The following MCF2L2 variants were observed in gnomAD, a reference collection of about 807,000 sequenced individuals.
MCF2L2 encodes the protein MCF.2 cell line derived transforming sequence-like 2, also known as probable guanine nucleotide exchange factor MCF2L2.
Under a neutral mutation model 150.2 loss-of-function variants are expected in MCF2L2, and 102 were observed. The ratio of observed to expected loss-of-function variants is 0.68; its 90% confidence interval spans 0.58 to 0.80. The LOEUF is 0.80. MCF2L2 is among the 30% of genes least tolerant of loss of function. The pLI, the probability that MCF2L2 is intolerant of heterozygous loss-of-function variation, is 0.00. For missense variants in MCF2L2, 1,256 were observed against 1,372.8 expected, an observed-to-expected ratio of 0.91 and a Z score of 1.34; for synonymous variants, 465 against 491.3, an observed-to-expected ratio of 0.95 and a Z score of 0.71.
intron 15 of MCF2L2, among the ~76,000 whole-genome samples, chr3:183,246,397 AT>A: frequency 6.6e-6 from 1 of 152,140 alleles, no homozygotes; most frequent in Non-Finnish European, 1.5e-5. Flanking sequence ...TTCTGTATGA[AT>A]TTTCCTATTC....
chr3:183,215,596 T>C (rs1471301557), intron 22 of MCF2L2, among the ~76,000 whole-genome samples: 2 of 152,218 alleles, frequency 1.3e-5, no homozygotes, highest in South Asian at 4.1e-4. Flanking sequence ...CAAAATACTT[T>C]TCTTAGAGAA....
chr3:183,279,156 A>AACACACACACAC (rs374605194), intron 14 of MCF2L2, among the ~76,000 whole-genome samples: 7 of 150,180 alleles, frequency 4.7e-5, no homozygotes, highest in African/African-American at 1.7e-4. Context: ...AGAAGTACAT[A>AACACACACACAC]ACACACACAC....
chr3:183,180,248 T>A (rs1560327842), intron 27 of MCF2L2, 89 bp from the exon 28 acceptor site: 1 of 814,854 alleles, frequency 1.2e-6, no homozygotes, highest in Non-Finnish European at 2.1e-6. Flanking sequence ...CAGTGCCTGT[T>A]GCAGGCACGG....
At position 183,267,214 on chromosome 3, in the gene MCF2L2, A is replaced by G. The variant is rs533583803; in HGVS notation, c.1862+9658T>C. On this transcript the variant is annotated intron_variant, in intron 15 of 29. Transcript: ENST00000328913. The surrounding 1 kb of genome is among the most constrained non-coding windows in gnomAD (Gnocchi z 5.5). Reference sequence around the variant, plus strand: ...ACTACTCTCAGTACACTCTGTATTTAAAAAAAAAAATGCTGGTTGTGGCTT... The same window carrying G: ...ACTACTCTCAGTACACTCTGTATTTGAAAAAAAAAATGCTGGTTGTGGCTT... Among the ~76,000 whole-genome samples, 8 of 141,418 alleles carry G rather than the reference A, an allele frequency of 5.7e-5. No individual in the cohort carries two copies. The South Asian group carries it at 1.5e-3, about 26-fold the overall frequency. 92.8% of individuals were successfully genotyped at this position (141,418 alleles called of 152,430 possible). A position where few individuals can be genotyped will look rare whatever the true frequency, so the allele number is the denominator to read the frequency against.
Position 183,207,926 on chromosome 3 carries a change from G to A in MCF2L2, c.2497-103C>T, listed in dbSNP as rs1576922805. On this transcript the variant is annotated intron_variant, in intron 22 of 29. Coordinates refer to ENST00000328913, the MANE Select transcript of MCF2L2 (RefSeq NM_015078.4). Reference sequence around the variant, plus strand: ...AATTTTATAAAGCATGCTTCTTTGAGGTTTACAATTCTAAAAGTGCTATTC... The same window carrying A: ...AATTTTATAAAGCATGCTTCTTTGAAGTTTACAATTCTAAAAGTGCTATTC... 20 of 868,830 alleles carry A rather than the reference G, an allele frequency of 2.3e-5. No individual in the cohort carries two copies. The East Asian group carries it at 5.3e-4, about 23-fold the overall frequency. 53.8% of individuals were successfully genotyped at this position (868,830 alleles called of 1,614,324 possible).
At chr3:183,386,713 A>G (rs1577112889) in intron 2 of MCF2L2, among the ~76,000 whole-genome samples, 1 of 152,242 alleles carries the variant, frequency 6.6e-6, no homozygotes, top group Non-Finnish European at 1.5e-5. Context: ...TTAGGCTACC[A>G]CAGCCATGGG....
intron 6 of MCF2L2, among the ~76,000 whole-genome samples, chr3:183,322,517 TC>T (rs1273927762): frequency 1.3e-5 from 2 of 152,162 alleles, no homozygotes; most frequent in Non-Finnish European, 2.9e-5. Context: ...GGCAAAATTA[TC>T]CCCTATAGAG....
chr3:183,361,107 A>AAGACAAGACAAGAC (rs1560040349), intron 3 of MCF2L2, among the ~76,000 whole-genome samples: 2,930 of 91,580 alleles, frequency 0.032, 262 homozygotes, highest in African/African-American at 0.21. Flanking sequence ...CAAGACAAGA[A>AAGACAAGACAAGAC]AAGAAAAAAG....
At chr3:183,216,616 T>A (rs1187625985) in intron 21 of MCF2L2, among the ~76,000 whole-genome samples, 13 of 95,366 alleles carry the variant, frequency 1.4e-4, no homozygotes, top group South Asian at 7.0e-4. Flanking sequence ...TTTTTTTTTT[T>A]GAGAGCGAGA....
At chr3:183,204,955 C>T (rs1722420011) in intron 25 of MCF2L2, among the ~76,000 whole-genome samples, 1 of 152,094 alleles carries the variant, frequency 6.6e-6, no homozygotes, top group African/African-American at 2.4e-5. Context: ...ACAGGAAATA[C>T]ATTAGTGATT....
At chr3:183,289,285 G>C in intron 13 of MCF2L2, 65 bp from the exon 14 acceptor site, 2 of 1,091,430 alleles carry the variant, frequency 1.8e-6, no homozygotes, top group Non-Finnish European at 2.8e-6. Context: ...CACTTTGTCT[G>C]ATTTGGACAA....
At chr3:183,201,158 T>G (rs1377511928) in intron 25 of MCF2L2, among the ~76,000 whole-genome samples, 1 of 152,242 alleles carries the variant, frequency 6.6e-6, no homozygotes, top group Non-Finnish European at 1.5e-5. Flanking sequence ...TCCAATTCTG[T>G]GAAGAAAGTC....
At chr3:183,193,499 T>A (rs190245170) in intron 26 of MCF2L2, among the ~76,000 whole-genome samples, 7 of 152,100 alleles carry the variant, frequency 4.6e-5, no homozygotes, top group East Asian at 1.9e-4. Context: ...TACATGCGTG[T>A]GCCACCACAC....
At chr3:183,357,045 A>G (rs1005150216) in intron 3 of MCF2L2, among the ~76,000 whole-genome samples, 1 of 152,210 alleles carries the variant, frequency 6.6e-6, no homozygotes, top group African/African-American at 2.4e-5. Flanking sequence ...ATCTGAGATA[A>G]CTGATTAGTC....
At chr3:183,323,391 T>C (rs768041632) in intron 5 of MCF2L2, 40 bp from the exon 6 acceptor site, 3 of 1,017,836 alleles carry the variant, frequency 2.9e-6, no homozygotes, top group African/African-American at 1.6e-5. Context: ...TCCTCATTGA[T>C]CATTAAATAA....
intron 22 of MCF2L2, among the ~76,000 whole-genome samples, chr3:183,210,275 T>C (rs1722646567): frequency 6.6e-6 from 1 of 152,190 alleles, no homozygotes. Flanking sequence ...AGATGAACTG[T>C]TCCAGAAGGT....
Sources: allele counts gnomAD v4.1 joint callset (sites outside exome capture counted in the v4.1 genomes callset), GRCh38; gene constraint gnomAD v4.1.1; non-coding constraint Gnocchi (gnomAD v3.1); transcripts MANE v1.5; gene names NCBI Gene and HGNC (gene_info 2026-07-23, HGNC 2026-07-21).